The following EPM2A variants were observed in gnomAD, a reference collection of about 807,000 sequenced individuals.
EPM2A encodes the protein EPM2A glucan phosphatase, laforin, also known as laforin.
EPM2A carries 21 observed loss-of-function variants against 26.5 expected under a neutral mutation model. That is an observed-to-expected ratio of 0.79 (90% CI 0.56 to 1.14). The LOEUF (loss-of-function observed/expected upper bound fraction) is 1.14. Ranked by LOEUF, EPM2A falls within the 50% of genes most tolerant of loss-of-function variation. The pLI, the probability that EPM2A is intolerant of heterozygous loss-of-function variation, is 0.00. For missense variants in EPM2A, 458 were observed against 440.8 expected (o/e 1.04, Z -0.35); for synonymous variants, 217 against 177.6 (o/e 1.22, Z -1.76).
intron 2 of EPM2A, among the ~76,000 whole-genome samples, chr6:145,614,434 T>C (rs949570443): frequency 1.3e-5 from 2 of 152,264 alleles, no homozygotes; most frequent in Non-Finnish European, 2.9e-5. Context: ...AAGAACCTTT[T>C]ATTTGCACTT....
At position 145,529,963 on chromosome 6, in the gene EPM2A, T is replaced by C. The variant is rs370141273; in HGVS notation, c.341-27388A>G. On this transcript the variant is annotated intron_variant, in intron 2 of 3. Coordinates refer to the EPM2A transcript ENST00000450221. ...ATCAAATTGCATGGGGTTATTATCATTATGTGATAAATTTGGTAAGAGACT... is the reference window on the plus strand; with the variant it reads ...ATCAAATTGCATGGGGTTATTATCACTATGTGATAAATTTGGTAAGAGACT... 9.8e-5 allele frequency among the ~76,000 whole-genome samples: 15 copies of C among 152,292 alleles called. 1 individual carries two copies. Among genetic ancestry groups the C allele is most frequent in the African/African-American group, 3.6e-4 (15 of 41,564 alleles).
At chr6:145,459,151 T>G (rs1428428982) in intron 4 of EPM2A, among the ~76,000 whole-genome samples, 2 of 151,972 alleles carry the variant, frequency 1.3e-5, no homozygotes, top group African/African-American at 4.8e-5. Flanking sequence ...CTGAATACAG[T>G]ATGGACAAGT....
intron 4 of EPM2A, among the ~76,000 whole-genome samples, chr6:145,387,407 T>A (rs1778277476): frequency 6.6e-6 from 1 of 152,144 alleles, no homozygotes; most frequent in Non-Finnish European, 1.5e-5. Context: ...TTCTTCAGAC[T>A]GTCCTGCCTC....
At chr6:145,617,452 A>G (rs762715387) in intron 2 of EPM2A, among the ~76,000 whole-genome samples, 40 of 152,230 alleles carry the variant, frequency 2.6e-4, no homozygotes, top group Admixed American at 7.2e-4. Flanking sequence ...ATAGGATGTT[A>G]CTCTGCTTTA....
intron 2 of EPM2A, among the ~76,000 whole-genome samples, chr6:145,576,370 G>A (rs1562388677): frequency 7.7e-6 from 1 of 129,930 alleles, no homozygotes; most frequent in Non-Finnish European, 1.8e-5. Flanking sequence ...CTGGAAATGA[G>A]GCCTTAGGGG....
Position 145,518,595 on chromosome 6 carries a change from CAAAAAAAAAA to C in EPM2A, c.341-16030_341-16021del, listed in dbSNP as rs55802475. Among the ~76,000 whole-genome samples, 146 of 102,662 alleles carry C rather than the reference CAAAAAAAAAA, an allele frequency of 1.4e-3. 1 individual carries two copies. Among genetic ancestry groups the C allele is most frequent in the Non-Finnish European group, 2.5e-3 (125 of 49,710 alleles). The allele number at this position is 102,662 out of a possible 152,430, so 67.4% of individuals were successfully genotyped here. ...CAGTTCCAGATTGTGTGAAATGCAC[CAAAAAAAAAA>C]AAAAAAAAAAAAAAAAAACAAAGAG... On this transcript the variant is annotated intron_variant, in intron 2 of 3. Coordinates refer to the EPM2A transcript ENST00000450221.
At chr6:145,386,158 T>G (rs1206664476) in intron 4 of EPM2A, among the ~76,000 whole-genome samples, 1 of 152,166 alleles carries the variant, frequency 6.6e-6, no homozygotes, top group Non-Finnish European at 1.5e-5. Context: ...ATTCAGATAC[T>G]ACTTAGCATA....
At chr6:145,458,578 C>T (rs1017872311) in intron 4 of EPM2A, among the ~76,000 whole-genome samples, 1 of 152,082 alleles carries the variant, frequency 6.6e-6, no homozygotes, top group Non-Finnish European at 1.5e-5. Flanking sequence ...AGCTGAACCC[C>T]TAGTTTATCA....
intron 2 of EPM2A, among the ~76,000 whole-genome samples, chr6:145,566,404 A>G (rs1361479709): frequency 1.3e-5 from 2 of 152,160 alleles, no homozygotes; most frequent in African/African-American, 4.8e-5. Context: ...TTATTCAGAT[A>G]TGCTATGTTT....
At chr6:145,720,461 G>A (rs892772218) in intron 1 of EPM2A, among the ~76,000 whole-genome samples, 6 of 151,994 alleles carry the variant, frequency 3.9e-5, no homozygotes, top group African/African-American at 1.5e-4. Context: ...ATGTCTTTTT[G>A]TACAACATTC....
intron 4 of EPM2A, chr6:145,491,245 A>AGCCG (rs1395088442): frequency 8.0e-6 from 3 of 374,462 alleles, no homozygotes; most frequent in Non-Finnish European, 1.5e-5. Flanking sequence ...GGCTGGGGCT[A>AGCCG]GCCGGCCACT....
chr6:145,518,805 C>A (rs1278756211), intron 2 of EPM2A, among the ~76,000 whole-genome samples: 3 of 152,100 alleles, frequency 2.0e-5, no homozygotes, highest in Non-Finnish European at 2.9e-5. Flanking sequence ...AAGCCAGAAC[C>A]CCAGAGTAAT....
chr6:145,530,490 T>G (rs1040713820), intron 2 of EPM2A, among the ~76,000 whole-genome samples: 2 of 148,732 alleles, frequency 1.3e-5, no homozygotes, highest in African/African-American at 2.5e-5. Flanking sequence ...AGCTTGTTGT[T>G]AAGAGACAGG....
intron 4 of EPM2A, among the ~76,000 whole-genome samples, chr6:145,399,863 A>G (rs1778459224): frequency 1.3e-5 from 2 of 152,156 alleles, no homozygotes; most frequent in Non-Finnish European, 2.9e-5. Flanking sequence ...TCCTGACTAG[A>G]TTAGGAATCT....
intron 1 of EPM2A, among the ~76,000 whole-genome samples, chr6:145,719,172 C>G (rs902592630): frequency 6.6e-6 from 1 of 151,066 alleles, no homozygotes; most frequent in Admixed American, 6.6e-5. Flanking sequence ...CACATGCACA[C>G]GTATGTTTAT....
intron 1 of EPM2A, among the ~76,000 whole-genome samples, chr6:145,691,708 G>A (rs985810889): frequency 1.3e-5 from 2 of 152,034 alleles, no homozygotes; most frequent in Non-Finnish European, 2.9e-5. Context: ...GTTGATACCA[G>A]TCAACTATGA....
chr6:145,640,767 C>T (rs1241859153), intron 2 of EPM2A: 1 of 152,078 alleles, frequency 6.6e-6, no homozygotes, highest in African/African-American at 2.4e-5. Flanking sequence ...TTAAAATCAA[C>T]CTCTAGTAAG....
chr6:145,462,907 A>C (rs1249725369), intron 4 of EPM2A, among the ~76,000 whole-genome samples: 1 of 152,182 alleles, frequency 6.6e-6, no homozygotes, highest in Non-Finnish European at 1.5e-5. Flanking sequence ...GTTACACTAT[A>C]GTTGATTTAA....
intron 2 of EPM2A, among the ~76,000 whole-genome samples, chr6:145,528,165 A>G (rs1780304824): frequency 6.6e-6 from 1 of 152,176 alleles, no homozygotes; most frequent in South Asian, 2.1e-4. Context: ...GAAAGAAACC[A>G]TCCCCATAAC....
Sources: allele counts gnomAD v4.1 joint callset (sites outside exome capture counted in the v4.1 genomes callset), GRCh38; gene constraint gnomAD v4.1.1; transcripts MANE v1.5; gene names NCBI Gene and HGNC (gene_info 2026-07-23, HGNC 2026-07-21).